VEGFC: variants seen among roughly 807,000 people sequenced by gnomAD.
The protein encoded by VEGFC is vascular endothelial growth factor C, also known as FLT4 ligand DHM.
VEGFC carries 12 observed loss-of-function variants against 46.1 expected under a neutral mutation model. The observed-to-expected ratio is 0.26, with a 90% confidence interval of 0.17 to 0.42. VEGFC has a LOEUF of 0.42. Among genes scored for constraint, VEGFC ranks in the 10% least tolerant of loss-of-function variants. The pLI, the probability that VEGFC is intolerant of heterozygous loss-of-function variation, is 1.00. For missense variants in VEGFC, 488 were observed against 529.4 expected, an observed-to-expected ratio of 0.92 and a Z score of 0.77; for synonymous variants, 232 against 195.5, an observed-to-expected ratio of 1.19 and a Z score of -1.56.
At chr4:176,783,986 T>C (rs890636653) in intron 1 of VEGFC, among the ~76,000 whole-genome samples, 1 of 152,074 alleles carries the variant, frequency 6.6e-6, no homozygotes, top group Non-Finnish European at 1.5e-5. Flanking sequence ...ATGAAGACTA[T>C]CTATTTAACA....
In VEGFC at chr4:176,792,337, C is replaced by G; in HGVS notation, c.-26G>C. ...GGTGGAAGGACCGGGGGTGGGGGAC[C>G]GGTCCGCTGGCGGGGGCAGGGGTGG... On this transcript the variant is annotated 5_prime_UTR_variant, in exon 1 of 7. Coordinates refer to ENST00000618562, the MANE Select transcript of VEGFC (RefSeq NM_005429.5). This position sits in a 1 kb window ranked among gnomAD's most constrained non-coding sequence, Gnocchi z 6.3. 1.6e-6 allele frequency: 2 copies of G among 1,268,826 alleles called. No individual in the cohort carries two copies. Among genetic ancestry groups the G allele is most frequent in the Non-Finnish European group, 2.1e-6 (2 of 966,118 alleles). 78.6% of individuals were successfully genotyped at this position (1,268,826 alleles called of 1,614,324 possible).
intron 1 of VEGFC, among the ~76,000 whole-genome samples, chr4:176,774,593 A>C (rs1381932059): frequency 6.6e-6 from 1 of 152,202 alleles, no homozygotes; most frequent in Non-Finnish European, 1.5e-5. Flanking sequence ...AGTATCAAAG[A>C]ATCAAGAAAT....
chr4:176,789,091 G>C (rs1338799180), intron 1 of VEGFC, among the ~76,000 whole-genome samples: 1 of 152,196 alleles, frequency 6.6e-6, no homozygotes, highest in African/African-American at 2.4e-5. Context: ...ACCTTCATTA[G>C]TCTCACGCCA....
chr4:176,703,508 G>A (rs1305444461), intron 4 of VEGFC, among the ~76,000 whole-genome samples: 4 of 151,918 alleles, frequency 2.6e-5, no homozygotes, highest in African/African-American at 9.7e-5. Flanking sequence ...AAGAGAGGTT[G>A]GTAATGCATT....
At chr4:176,760,518 T>A (rs1735510872) in intron 1 of VEGFC, among the ~76,000 whole-genome samples, 1 of 152,196 alleles carries the variant, frequency 6.6e-6, no homozygotes, top group Non-Finnish European at 1.5e-5. Flanking sequence ...TAAATATTTA[T>A]CAGCCCTGTA....
chr4:176,697,893 C>T (rs1395560039), intron 4 of VEGFC, among the ~76,000 whole-genome samples: 6 of 150,444 alleles, frequency 4.0e-5, no homozygotes, highest in Admixed American at 1.3e-4. Flanking sequence ...GAACAAAAAA[C>T]CAAACACCGC....
intron 4 of VEGFC, among the ~76,000 whole-genome samples, chr4:176,702,746 C>A (rs1258374686): frequency 2.0e-5 from 3 of 152,006 alleles, no homozygotes; most frequent in African/African-American, 7.2e-5. Context: ...GTCTATTTGA[C>A]ATCACTCTCT....
chr4:176,733,396 TAC>T (rs1349784236), intron 1 of VEGFC, among the ~76,000 whole-genome samples: 1 of 152,008 alleles, frequency 6.6e-6, no homozygotes. Context: ...AATGTGATTG[TAC>T]ATTCATGTAA....
At chr4:176,707,638 C>T (rs1734556259) in intron 4 of VEGFC, among the ~76,000 whole-genome samples, 1 of 152,046 alleles carries the variant, frequency 6.6e-6, no homozygotes, top group South Asian at 2.1e-4. Context: ...CTTAATATCT[C>T]AATGATTTTT....
intron 4 of VEGFC, among the ~76,000 whole-genome samples, chr4:176,692,268 CCTG>C (rs1734204811): frequency 7.4e-6 from 1 of 135,216 alleles, no homozygotes; most frequent in Admixed American, 7.1e-5. Flanking sequence ...GTGGCGGGCG[CCTG>C]TAGTCCCAGC....
intron 1 of VEGFC, among the ~76,000 whole-genome samples, chr4:176,733,767 C>A (rs1402850210): frequency 1.3e-5 from 2 of 151,442 alleles, no homozygotes; most frequent in Admixed American, 6.6e-5. Context: ...AAGAATAGAT[C>A]CTAAATCTAA....
At chr4:176,759,684 G>A (rs1199750027) in intron 1 of VEGFC, among the ~76,000 whole-genome samples, 7 of 152,048 alleles carry the variant, frequency 4.6e-5, no homozygotes, top group Admixed American at 1.3e-4. Flanking sequence ...CAATCAAAAC[G>A]TCACAGTGTA....
chr4:176,691,460 C>T (rs1049195421), intron 4 of VEGFC, among the ~76,000 whole-genome samples: 1 of 152,038 alleles, frequency 6.6e-6, no homozygotes, highest in East Asian at 1.9e-4. Flanking sequence ...ATCCCCCCAC[C>T]GACCCCACCA....
At chr4:176,729,770 A>G (rs773392470) in intron 1 of VEGFC, 24 bp from the exon 2 acceptor site, 2 of 1,541,614 alleles carry the variant, frequency 1.3e-6, no homozygotes, top group South Asian at 2.5e-5. Flanking sequence ...ATGCAAGATC[A>G]ATGACTTACC....
intron 1 of VEGFC, among the ~76,000 whole-genome samples, chr4:176,752,454 A>G (rs375746437): frequency 4.6e-5 from 7 of 152,088 alleles, no homozygotes; most frequent in African/African-American, 1.7e-4. Context: ...GTTACTGCCA[A>G]CAAAACTACT....
intron 1 of VEGFC, among the ~76,000 whole-genome samples, chr4:176,784,314 C>T (rs1004780051): frequency 6.6e-6 from 1 of 151,936 alleles, no homozygotes; most frequent in Admixed American, 6.6e-5. Flanking sequence ...AAGTGATCTA[C>T]CTGACTCAGA....
At chr4:176,736,623 T>C (rs113188010) in intron 1 of VEGFC, among the ~76,000 whole-genome samples, 93 of 151,952 alleles carry the variant, frequency 6.1e-4, no homozygotes, top group African/African-American at 2.1e-3. Context: ...TTTAAGTATT[T>C]TGAAGTTTAA....
intron 1 of VEGFC, among the ~76,000 whole-genome samples, chr4:176,759,748 T>A (rs1735496368): frequency 1.4e-5 from 2 of 145,052 alleles, no homozygotes; most frequent in Non-Finnish European, 3.1e-5. Context: ...TAAAAAAAAA[T>A]AAAATAATTT....
At chr4:176,743,857 A>G (rs1735218332) in intron 1 of VEGFC, among the ~76,000 whole-genome samples, 1 of 151,988 alleles carries the variant, frequency 6.6e-6, no homozygotes, top group African/African-American at 2.4e-5. Context: ...TGTAAATGTG[A>G]AACAAATATT....
Sources: allele counts gnomAD v4.1 joint callset (sites outside exome capture counted in the v4.1 genomes callset), GRCh38; gene constraint gnomAD v4.1.1; non-coding constraint Gnocchi (gnomAD v3.1); transcripts MANE v1.5; gene names NCBI Gene and HGNC (gene_info 2026-07-23, HGNC 2026-07-21).